Variants in MACO1 observed in about 807,000 individuals in gnomAD.
The protein encoded by MACO1 is macoilin.
A neutral mutation model predicts 78.7 loss-of-function variants in MACO1; 14 were observed. The observed-to-expected ratio is 0.18, with a 90% CI of 0.12 to 0.28. The LOEUF (loss-of-function observed/expected upper bound fraction) is 0.28, where lower values mean the gene tolerates loss of function less well. Ranked by LOEUF, MACO1 falls within the 10% of genes least tolerant of loss-of-function variation. The pLI is 1.00. For missense variants in MACO1, 501 were observed against 799.0 expected (o/e 0.63, Z 4.50); for synonymous variants, 288 against 291.6 (o/e 0.99, Z 0.12).
At chr1:25,471,601 T>TA (rs1358093514) in intron 6 of MACO1, among the ~76,000 whole-genome samples, 1 of 152,212 alleles carries the variant, frequency 6.6e-6, no homozygotes, top group African/African-American at 2.4e-5. Flanking sequence ...ACAGAGTAGA[T>TA]ACTCAGTAAA....
chr1:25,451,038 G>A (rs1349135438), intron 3 of MACO1, among the ~76,000 whole-genome samples: 4 of 145,198 alleles, frequency 2.8e-5, no homozygotes, highest in Non-Finnish European at 5.9e-5. Context: ...TTGACCCACA[G>A]GGCAGCAGTG....
chr1:25,491,651 C>G, intron 10 of MACO1, 67 bp downstream of exon 10: 1 of 1,432,082 alleles, frequency 7.0e-7, no homozygotes, highest in Non-Finnish European at 9.7e-7. Context: ...CAGGCCAGAC[C>G]TCTCCTGAGA....
In MACO1 at chr1:25,431,053, G is replaced by A. The variant is rs752322247; in HGVS notation, c.-46G>A. On this transcript the variant is annotated 5_prime_UTR_variant, in exon 1 of 11. Transcript: ENST00000374343. Reference sequence around the variant, plus strand: ...GGCCAGCGGCGGCGGCAGCTGAGGTGAGAGACGGCGGCGGCGGCGCGGGCA... The same window carrying A: ...GGCCAGCGGCGGCGGCAGCTGAGGTAAGAGACGGCGGCGGCGGCGCGGGCA... The A allele has an allele frequency of 2.6e-6, 4 of 1,511,910 alleles. No homozygotes were observed. The East Asian group carries it at 7.5e-5, about 29-fold the overall frequency. 93.7% of individuals were successfully genotyped at this position (1,511,910 alleles called of 1,614,324 possible). A position where few individuals can be genotyped will look rare whatever the true frequency, so the allele number is the denominator to read the frequency against.
chr1:25,475,979 A>G (rs1281607910), intron 6 of MACO1, among the ~76,000 whole-genome samples: 1 of 152,176 alleles, frequency 6.6e-6, no homozygotes, highest in Non-Finnish European at 1.5e-5. Flanking sequence ...ATGTACTGTA[A>G]TTTAGCCACC....
intron 1 of MACO1, among the ~76,000 whole-genome samples, chr1:25,435,427 A>AATCACTTT (rs2042911672): frequency 6.6e-6 from 1 of 152,192 alleles, no homozygotes; most frequent in Non-Finnish European, 1.5e-5. Context: ...GTGACTTTTT[A>AATCACTTT]AAGTGATTAA....
chr1:25,431,702 G>T (rs2042873340), intron 1 of MACO1, among the ~76,000 whole-genome samples: 1 of 152,174 alleles, frequency 6.6e-6, no homozygotes, highest in South Asian at 2.1e-4. Flanking sequence ...TACTGGCCTG[G>T]GGCCATGCTG....
rs183671425 is a variant in MACO1 at position 25,470,143 on chromosome 1, T to C, written c.1154+11251T>C. Among the ~76,000 whole-genome samples, 191 of 152,348 alleles carry C rather than the reference T, an allele frequency of 1.3e-3. 6 individuals are homozygous for C. The highest frequency in any genetic ancestry group is 3.7e-4 in the Non-Finnish European group (25 of 68,016). ...CAATATGATTTGGTGTGAATAACTATAAAACAGAGCAAAGTGAAGAGAGAA... is the reference window on the plus strand; with the variant it reads ...CAATATGATTTGGTGTGAATAACTACAAAACAGAGCAAAGTGAAGAGAGAA... On this transcript the variant is annotated intron_variant, in intron 6 of 10. Coordinates refer to ENST00000374343, the MANE Select transcript of MACO1 (RefSeq NM_018202.6).
At chr1:25,496,322 A>G (rs1480323207) in intron 10 of MACO1, among the ~76,000 whole-genome samples, 1 of 151,820 alleles carries the variant, frequency 6.6e-6, no homozygotes, top group East Asian at 1.9e-4. Flanking sequence ...TAATTTTTGT[A>G]TTTTTTGTAG....
chr1:25,484,109 C>T lies in MACO1; in HGVS notation c.1155-7C>T, dbSNP rs1361321803. The T allele has an allele frequency of 5.0e-6, 8 of 1,605,470 alleles. No homozygotes were observed. Among genetic ancestry groups the T allele is most frequent in the Non-Finnish European group, 6.8e-6 (8 of 1,176,920 alleles). ...AGATGAAAATGCTGCATTTCTCATTCTCCTAGGCTGGAACAAGACATTAAA... is the reference window on the plus strand; with the variant it reads ...AGATGAAAATGCTGCATTTCTCATTTTCCTAGGCTGGAACAAGACATTAAA... On this transcript the variant is annotated splice_region_variant and splice_polypyrimidine_tract_variant and intron_variant, in intron 6 of 10. Transcript: ENST00000374343.
At chr1:25,445,531 T>G (rs191468096) in intron 1 of MACO1, among the ~76,000 whole-genome samples, 1 of 152,270 alleles carries the variant, frequency 6.6e-6, no homozygotes, top group East Asian at 1.9e-4. Flanking sequence ...AAATAAATCC[T>G]CAATGCTGGA....
chr1:25,479,034 G>A (rs987721478), intron 6 of MACO1, among the ~76,000 whole-genome samples: 1 of 152,046 alleles, frequency 6.6e-6, no homozygotes, highest in African/African-American at 2.4e-5. Context: ...GGAAGAGTGT[G>A]GCCCTTAACT....
Position 25,463,987 on chromosome 1 carries a change from G to A in MACO1, c.1154+5095G>A, listed in dbSNP as rs143133494. ...AGAGTGGTACATTTGTTACACAGAC[G>A]AACCTCCATTGACACATCATTATCA... On this transcript the variant is annotated intron_variant, in intron 6 of 10. Transcript: ENST00000374343. Among the ~76,000 whole-genome samples, 12 of 151,982 alleles carry A rather than the reference G, an allele frequency of 7.9e-5. No homozygotes were observed. In the East Asian group the frequency reaches 2.1e-3, roughly 27 times the overall value.
intron 9 of MACO1, among the ~76,000 whole-genome samples, chr1:25,490,038 A>C (rs2043471006): frequency 6.6e-6 from 1 of 152,210 alleles, no homozygotes; most frequent in African/African-American, 2.4e-5. Flanking sequence ...TTCCAGATGA[A>C]GAGTTGAAGG....
intron 1 of MACO1, among the ~76,000 whole-genome samples, chr1:25,440,311 A>C (rs557455469): frequency 2.3e-4 from 34 of 150,980 alleles, no homozygotes; most frequent in African/African-American, 8.3e-4. Flanking sequence ...AGATAGGAGG[A>C]TCACTTGAGC....
intron 6 of MACO1, among the ~76,000 whole-genome samples, chr1:25,473,512 C>G (rs575828871): frequency 6.6e-6 from 1 of 151,994 alleles, no homozygotes. Context: ...TGTTGAGTCC[C>G]GAGAGTTCAT....
Position 25,499,866 on chromosome 1 carries a change from A to G in MACO1, c.*1400A>G, listed in dbSNP as rs1349596939. On this transcript the variant is annotated 3_prime_UTR_variant, in exon 11 of 11. Transcript: ENST00000374343. ...CATTTAAAGCAAATTAAGTAGGACA[A>G]GCAAGTCAGTAAAATAGAAGTATTA... The G allele has an allele frequency of 6.6e-6, 1 of 152,210 alleles. No homozygotes were observed. The highest frequency in any genetic ancestry group is 2.4e-5 in the African/African-American group (1 of 41,446). 9.4% of individuals were successfully genotyped at this position (152,210 alleles called of 1,614,324 possible).
chr1:25,459,576 G>A (rs1291629059), intron 6 of MACO1, among the ~76,000 whole-genome samples: 3 of 151,054 alleles, frequency 2.0e-5, no homozygotes, highest in African/African-American at 7.3e-5. Context: ...CTGGCTCCAA[G>A]TGATTCTCCT....
intron 2 of MACO1, 46 bp from the exon 3 acceptor site, chr1:25,448,762 C>T (rs753228181): frequency 3.5e-6 from 5 of 1,420,572 alleles, no homozygotes; most frequent in Middle Eastern, 1.9e-4. Context: ...TTGAAAATAA[C>T]AGGTTCTAAG....
intron 6 of MACO1, among the ~76,000 whole-genome samples, chr1:25,475,277 A>G (rs763290073): frequency 6.6e-6 from 1 of 152,138 alleles, no homozygotes; most frequent in Non-Finnish European, 1.5e-5. Context: ...CCCGGGAGGC[A>G]GAGCTTGCAG....
Sources: allele counts gnomAD v4.1 joint callset (sites outside exome capture counted in the v4.1 genomes callset), GRCh38; gene constraint gnomAD v4.1.1; transcripts MANE v1.5; gene names NCBI Gene and HGNC (gene_info 2026-07-23, HGNC 2026-07-21).